RBFOX1: variants seen among roughly 807,000 people sequenced by gnomAD.
RBFOX1 encodes the protein RNA binding protein fox-1 homolog 1.
In RBFOX1, 8 loss-of-function variants were observed where a neutral mutation model predicts 57.7. That is an observed-to-expected ratio of 0.14 (90% CI 0.08 to 0.25). The LOEUF is 0.25. RBFOX1 is among the 10% of genes least tolerant of loss of function. The pLI is 1.00. For synonymous variants in RBFOX1, 326 were observed against 222.4 expected (o/e 1.47, Z -4.15); for missense variants, 611 against 548.5 (o/e 1.11, Z -1.14).
At chr16:7,364,169 G>C (rs1057129118) in intron 4 of RBFOX1, among the ~76,000 whole-genome samples, 3 of 152,296 alleles carry the variant, frequency 2.0e-5, no homozygotes, top group Admixed American at 2.0e-4. Flanking sequence ...CAACAGCTCA[G>C]CTTACGTCTG....
At chr16:5,797,634 GA>G (rs2054921991) in intron 3 of RBFOX1, among the ~76,000 whole-genome samples, 1 of 152,184 alleles carries the variant, frequency 6.6e-6, no homozygotes. Context: ...TGAAATATTT[GA>G]AAGAGCCAGC....
intron 2 of RBFOX1, among the ~76,000 whole-genome samples, chr16:6,600,485 A>G (rs2097840379): frequency 1.3e-5 from 2 of 152,218 alleles, no homozygotes; most frequent in Admixed American, 1.3e-4. Context: ...CAGATAGCAG[A>G]GTCTCCAAAC....
At chr16:7,641,543 C>T (rs1190331497) in intron 11 of RBFOX1, among the ~76,000 whole-genome samples, 1 of 152,122 alleles carries the variant, frequency 6.6e-6, no homozygotes, top group Non-Finnish European at 1.5e-5. Context: ...GCTCTTGATG[C>T]CTAATACTTT....
intron 4 of RBFOX1, among the ~76,000 whole-genome samples, chr16:7,477,212 G>C (rs1036124329): frequency 6.6e-6 from 1 of 152,124 alleles, no homozygotes; most frequent in Non-Finnish European, 1.5e-5. Context: ...TCTGTCTCTT[G>C]GGTTGTTCAG....
intron 3 of RBFOX1, among the ~76,000 whole-genome samples, chr16:7,040,002 T>TTTG (rs1555799848): frequency 5.4e-5 from 8 of 148,712 alleles, no homozygotes; most frequent in African/African-American, 2.0e-4. Flanking sequence ...GGGGAGTTAT[T>TTTG]TTATTATTAT....
chr16:5,762,903 A>T (rs1362698790), intron 3 of RBFOX1, among the ~76,000 whole-genome samples: 1 of 152,224 alleles, frequency 6.6e-6, no homozygotes, highest in Admixed American at 6.5e-5. Context: ...ATTGGGAAGA[A>T]AACCTCTTGA....
intron 4 of RBFOX1, among the ~76,000 whole-genome samples, chr16:6,010,327 A>G (rs1472151411): frequency 6.6e-6 from 1 of 152,180 alleles, no homozygotes; most frequent in Non-Finnish European, 1.5e-5. Flanking sequence ...GTGAATGTAC[A>G]TTCCAGCTCC....
intron 3 of RBFOX1, among the ~76,000 whole-genome samples, chr16:5,671,190 A>C (rs1369768187): frequency 6.6e-6 from 1 of 152,226 alleles, no homozygotes; most frequent in Non-Finnish European, 1.5e-5. Flanking sequence ...TTAAGCTAGG[A>C]GGTTTTCTTT....
intron 1 of RBFOX1, among the ~76,000 whole-genome samples, chr16:6,118,430 G>A (rs984219542): frequency 6.6e-6 from 1 of 152,294 alleles, no homozygotes; most frequent in Admixed American, 6.5e-5. Context: ...TTTGGTGAGT[G>A]CTGGTTTCCA....
chr16:5,629,151 T>C (rs1383933453), intron 3 of RBFOX1, among the ~76,000 whole-genome samples: 1 of 152,200 alleles, frequency 6.6e-6, no homozygotes, highest in Non-Finnish European at 1.5e-5. Flanking sequence ...TTAGAACATA[T>C]TGAGAGTACA....
At chr16:5,979,776 C>A (rs539896370) in intron 4 of RBFOX1, among the ~76,000 whole-genome samples, 1 of 152,282 alleles carries the variant, frequency 6.6e-6, no homozygotes, top group East Asian at 1.9e-4. Flanking sequence ...TTAGGAGAAT[C>A]GCTTGAACCC....
intron 3 of RBFOX1, among the ~76,000 whole-genome samples, chr16:5,735,708 T>A (rs2151575232): frequency 6.6e-6 from 1 of 152,180 alleles, no homozygotes; most frequent in East Asian, 1.9e-4. Context: ...ACCACCCTGG[T>A]CAACATGGTG....
intron 4 of RBFOX1, among the ~76,000 whole-genome samples, chr16:7,459,372 C>G (rs1488311822): frequency 3.3e-5 from 5 of 152,108 alleles, no homozygotes; most frequent in African/African-American, 1.2e-4. Flanking sequence ...CCATTTTGTA[C>G]AAAAGTATGT....
At chr16:6,527,350 C>T (rs1189041243) in intron 2 of RBFOX1, among the ~76,000 whole-genome samples, 6 of 151,554 alleles carry the variant, frequency 4.0e-5, no homozygotes, top group Admixed American at 3.3e-4. Flanking sequence ...GTGTGTGTAT[C>T]CTCTCCTTCC....
At chr16:6,938,072 T>G (rs2077677140) in intron 3 of RBFOX1, among the ~76,000 whole-genome samples, 1 of 152,082 alleles carries the variant, frequency 6.6e-6, no homozygotes, top group Non-Finnish European at 1.5e-5. Context: ...CCTCAGTTTC[T>G]GCTTGCTTTT....
intron 1 of RBFOX1, among the ~76,000 whole-genome samples, chr16:5,363,472 A>G (rs1290077967): frequency 6.6e-6 from 1 of 152,118 alleles, no homozygotes; most frequent in African/African-American, 2.4e-5. Flanking sequence ...CAGTTGCAGG[A>G]GGCTTATTTC....
At chr16:7,218,359 A>G (rs2092421783) in intron 4 of RBFOX1, among the ~76,000 whole-genome samples, 1 of 152,138 alleles carries the variant, frequency 6.6e-6, no homozygotes, top group Non-Finnish European at 1.5e-5. Context: ...CACCTTCTTC[A>G]GTATGCTTCC....
intron 11 of RBFOX1, among the ~76,000 whole-genome samples, chr16:7,632,904 A>C (rs955675670): frequency 2.0e-5 from 3 of 151,866 alleles, no homozygotes; most frequent in African/African-American, 7.2e-5. Flanking sequence ...AAAACAATCA[A>C]CTCCAAAAGT....
intron 2 of RBFOX1, among the ~76,000 whole-genome samples, chr16:6,394,419 T>C (rs1045909031): frequency 1.3e-5 from 2 of 152,152 alleles, no homozygotes; most frequent in African/African-American, 4.8e-5. Flanking sequence ...TACAGGCACT[T>C]GGCTGCTGGT....
Sources: gnomAD v4.1 joint callset for allele counts (sites outside exome capture counted in the v4.1 genomes callset) on GRCh38, gnomAD v4.1.1 for gene constraint, MANE v1.5 for transcripts, NCBI Gene and HGNC (gene_info 2026-07-23, HGNC 2026-07-21) for gene names.